Variants in SNRK observed in about 807,000 individuals in gnomAD.
The protein encoded by SNRK is SNF related kinase, also known as SNF-related serine/threonine-protein kinase.
SNRK carries 3 observed loss-of-function variants against 48.2 expected under a neutral mutation model. That is an observed-to-expected ratio of 0.06 (90% CI 0.03 to 0.16). SNRK has a LOEUF of 0.16. Ranked by LOEUF, SNRK falls within the 10% of genes least tolerant of loss-of-function variation. SNRK has a pLI of 1.00. For missense variants in SNRK, 627 were observed against 976.0 expected, an observed-to-expected ratio of 0.64 and a Z score of 4.76; for synonymous variants, 376 against 366.1, an observed-to-expected ratio of 1.03 and a Z score of -0.31.
chr3:43,343,217 T>C, intron 5 of SNRK, 127 bp from the exon 6 acceptor site: 1 of 1,287,674 alleles, frequency 7.8e-7, no homozygotes, highest in East Asian at 2.7e-5. Context: ...TGGTTTGCAT[T>C]TTTTGCATAA....
At chr3:43,329,313 C>T (rs2091127758) in intron 3 of SNRK, among the ~76,000 whole-genome samples, 1 of 152,018 alleles carries the variant, frequency 6.6e-6, no homozygotes, top group Non-Finnish European at 1.5e-5. Context: ...TGGCGGGTGC[C>T]TGTAGTACTA....
At chr3:43,343,712 T>C (rs776948652) in intron 6 of SNRK, among the ~76,000 whole-genome samples, 5 of 152,054 alleles carry the variant, frequency 3.3e-5, no homozygotes, top group Admixed American at 1.3e-4. Context: ...CTGTGTCTGT[T>C]GGCATGGTCA....
Position 43,348,367 on chromosome 3 carries a change from G to A in SNRK, c.2108G>A (p.Gly703Asp), listed in dbSNP as rs1415547911. 6.2e-7 allele frequency: 1 copy of A among 1,607,172 alleles called. No individual in the cohort carries two copies. The highest frequency in any genetic ancestry group is 8.5e-7 in the Non-Finnish European group (1 of 1,177,014). ...GNAGQVPAVG[G>D]IKFFSDHMAD... is the part of the protein sequence containing the mutation. ...GCAGGGCAGGTCCCTGCAGTGGGCGGCATAAAGTTTTTCTCTGACCACATG... is the reference window on the plus strand; with the variant it reads ...GCAGGGCAGGTCCCTGCAGTGGGCGACATAAAGTTTTTCTCTGACCACATG... The change falls in exon 7 of 7, where the codon GGC becomes GAC. Residue 703 changes from glycine to aspartate, a missense_variant. This residue lies in a region of SNRK where 207 missense variants were observed against 234.3 expected (regional missense o/e 0.88). Transcript: ENST00000296088.
chr3:43,330,956 G>T (rs1005846849), intron 3 of SNRK, among the ~76,000 whole-genome samples: 20 of 152,088 alleles, frequency 1.3e-4, no homozygotes, highest in Admixed American at 5.9e-4. Context: ...GTAACTTTTG[G>T]GTTTCTGCCT....
chr3:43,304,497 A>G lies in SNRK; in HGVS notation c.589+705A>G, dbSNP rs144184608. Among the ~76,000 whole-genome samples the G allele has an allele frequency of 1.6e-3, 243 of 152,216 alleles. 1 individual carries two copies. Among genetic ancestry groups the G allele is most frequent in the African/African-American group, 5.6e-3 (234 of 41,512 alleles). ...ACACTTTGTGCTCTTTCACTTGTCA[A>G]GATTTATCTATTTGTGGTGAAAGTA... On this transcript the variant is annotated intron_variant, in intron 3 of 6. Transcript: ENST00000296088.
intron 3 of SNRK, among the ~76,000 whole-genome samples, chr3:43,322,883 C>T (rs1245561330): frequency 2.3e-5 from 3 of 128,812 alleles, no homozygotes; most frequent in African/African-American, 8.5e-5. Flanking sequence ...ACCCGGGAGG[C>T]GGAGCTTACA....
At chr3:43,333,958 C>G (rs560569627) in intron 4 of SNRK, among the ~76,000 whole-genome samples, 2 of 152,164 alleles carry the variant, frequency 1.3e-5, no homozygotes, top group Admixed American at 6.5e-5. Flanking sequence ...CCAGCCTGAT[C>G]AACATGGTGA....
In SNRK at chr3:43,321,919, A is replaced by G. The variant is rs557870164; in HGVS notation, c.590-10250A>G. Reference sequence around the variant, plus strand: ...TGAATTTTGGCAAGTCCCAGGACACAAAGTGCGGTGGTGCTGTCTCACCTA... The same window carrying G: ...TGAATTTTGGCAAGTCCCAGGACACGAAGTGCGGTGGTGCTGTCTCACCTA... On this transcript the variant is annotated intron_variant, in intron 3 of 6. Transcript: ENST00000296088. Among the ~76,000 whole-genome samples the G allele has an allele frequency of 2.2e-4, 34 of 152,376 alleles. 1 individual carries two copies. The Middle Eastern group carries it at 0.017, about 76-fold the overall frequency.
chr3:43,306,962 A>G (rs1352710405), intron 3 of SNRK, among the ~76,000 whole-genome samples: 1 of 152,176 alleles, frequency 6.6e-6, no homozygotes, highest in Admixed American at 6.5e-5. Flanking sequence ...GTGGCTTGAT[A>G]CATGGTAATT....
intron 1 of SNRK, among the ~76,000 whole-genome samples, chr3:43,287,545 A>C (rs1360646972): frequency 1.3e-5 from 2 of 152,192 alleles, no homozygotes; most frequent in Non-Finnish European, 2.9e-5. Flanking sequence ...TCAAACTGTC[A>C]TGTTACTTTC....
Position 43,347,314 on chromosome 3 carries a change from TCCCCCCAA to T in SNRK, c.1080-24_1080-17del. 6.6e-7 allele frequency: 1 copy of T among 1,524,556 alleles called. No homozygotes were observed. The highest frequency in any genetic ancestry group is 8.8e-7 in the Non-Finnish European group (1 of 1,137,666). 94.4% of individuals were successfully genotyped at this position (1,524,556 alleles called of 1,614,324 possible). On this transcript the variant is annotated splice_polypyrimidine_tract_variant and intron_variant, in intron 6 of 6. Transcript: ENST00000296088. This position sits in a 1 kb window ranked among gnomAD's most constrained non-coding sequence, Gnocchi z 5.4. Reference sequence around the variant, plus strand: ...CTGCATAATGATTATATGGCTTTTTTCCCCCCAATCTATCTGTTACATAGGCAGTCATG... The same window carrying T: ...CTGCATAATGATTATATGGCTTTTTTTCTATCTGTTACATAGGCAGTCATG...
At chr3:43,300,047 G>A (rs56100043) in intron 2 of SNRK, among the ~76,000 whole-genome samples, 3,807 of 152,236 alleles carry the variant, frequency 0.025, 160 homozygotes, top group African/African-American at 0.084. Flanking sequence ...TAAACTTTCA[G>A]TTAATCATTG....
intron 1 of SNRK, among the ~76,000 whole-genome samples, chr3:43,294,553 G>A (rs2125613577): frequency 1.3e-5 from 2 of 152,140 alleles, no homozygotes; most frequent in Middle Eastern, 3.4e-3. Flanking sequence ...GAGCATTTTG[G>A]ATTTCGTATT....
intron 3 of SNRK, among the ~76,000 whole-genome samples, chr3:43,320,933 T>G (rs2091048955): frequency 1.4e-5 from 2 of 142,974 alleles, no homozygotes; most frequent in South Asian, 2.1e-4. Context: ...TTTCAAGGTT[T>G]TTTTTTTTTT....
At chr3:43,339,816 AAAATATATATATAT>A (rs2091219104) in intron 4 of SNRK, among the ~76,000 whole-genome samples, 2 of 78,342 alleles carry the variant, frequency 2.6e-5, no homozygotes, top group South Asian at 8.9e-4. Context: ...CTCCATTTCC[AAAATATATATATAT>A]ATATATATAT....
intron 3 of SNRK, among the ~76,000 whole-genome samples, 188 bp from the exon 4 acceptor site, chr3:43,331,981 C>T (rs182432048): frequency 6.6e-6 from 1 of 152,206 alleles, no homozygotes; most frequent in Non-Finnish European, 1.5e-5. Flanking sequence ...CTAGCAATTA[C>T]TGTAAAAACA....
chr3:43,318,781 T>G (rs897213545), intron 3 of SNRK, among the ~76,000 whole-genome samples: 1 of 152,060 alleles, frequency 6.6e-6, no homozygotes, highest in African/African-American at 2.4e-5. Context: ...ATCGCAGCAC[T>G]TTGGGAGGCC....
chr3:43,319,044 A>AT (rs1212805893), intron 3 of SNRK, among the ~76,000 whole-genome samples: 20 of 151,102 alleles, frequency 1.3e-4, no homozygotes, highest in African/African-American at 4.2e-4. Flanking sequence ...AAAAAAAAAA[A>AT]GAATCAGTTT....
chr3:43,343,596 G>A (rs922024888), intron 6 of SNRK, 118 bp downstream of exon 6: 18 of 1,139,294 alleles, frequency 1.6e-5, no homozygotes, highest in South Asian at 2.9e-5. Context: ...CAGTGATGAC[G>A]GCCTCATTGG....
Sources: allele counts gnomAD v4.1 joint callset (sites outside exome capture counted in the v4.1 genomes callset), GRCh38; gene constraint gnomAD v4.1.1; regional missense constraint gnomAD v4.1.1; non-coding constraint Gnocchi (gnomAD v3.1); transcripts MANE v1.5; gene names NCBI Gene and HGNC (gene_info 2026-07-23, HGNC 2026-07-21).